MBNL1: variants seen among roughly 807,000 people sequenced by gnomAD.
MBNL1 encodes muscleblind-like protein 1.
A neutral mutation model predicts 42.2 loss-of-function variants in MBNL1; 8 were observed. The ratio of observed to expected loss-of-function variants is 0.19; its 90% CI spans 0.11 to 0.34. The LOEUF is 0.34. Ranked by LOEUF, MBNL1 falls within the 10% of genes least tolerant of loss-of-function variation. The pLI is 1.00. For synonymous variants in MBNL1, 169 were observed against 173.9 expected (o/e 0.97, Z 0.22); for missense variants, 309 against 495.3 (o/e 0.62, Z 3.57).
chr3:152,319,472 A>G (rs1328823240), intron 2 of MBNL1, among the ~76,000 whole-genome samples: 3 of 152,278 alleles, frequency 2.0e-5, no homozygotes, highest in African/African-American at 7.2e-5. Context: ...AGCAAAAACT[A>G]GAATATATTG....
chr3:152,291,173 C>T (rs1268566145), intron 1 of MBNL1, among the ~76,000 whole-genome samples: 2 of 152,150 alleles, frequency 1.3e-5, no homozygotes, highest in African/African-American at 4.8e-5. Flanking sequence ...ACAGTTTTAT[C>T]TCATTATACC....
intron 1 of MBNL1, among the ~76,000 whole-genome samples, chr3:152,277,753 AG>A (rs940702298): frequency 6.6e-6 from 1 of 152,158 alleles, no homozygotes; most frequent in African/African-American, 2.4e-5. Context: ...GAACATTGAT[AG>A]ATTATGTTTT....
At chr3:152,399,183 G>A (rs2098114360) in intron 2 of MBNL1, among the ~76,000 whole-genome samples, 2 of 152,112 alleles carry the variant, frequency 1.3e-5, no homozygotes, top group African/African-American at 4.8e-5. Flanking sequence ...CATACAGTAG[G>A]TGAATAAATA....
intron 2 of MBNL1, among the ~76,000 whole-genome samples, chr3:152,411,808 T>C (rs1579867247): frequency 6.6e-6 from 1 of 152,344 alleles, no homozygotes; most frequent in East Asian, 1.9e-4. Flanking sequence ...TGTTTCCTTT[T>C]TTTCTTTTAT....
chr3:152,387,241 AT>A (rs35150728), intron 2 of MBNL1, among the ~76,000 whole-genome samples: 58,516 of 136,146 alleles, frequency 0.43, 11,684 homozygotes, highest in East Asian at 0.57. Context: ...CAGTCTGTGT[AT>A]TTTTTTTTTT....
chr3:152,342,260 TC>T (rs938921414), intron 2 of MBNL1, among the ~76,000 whole-genome samples: 1 of 152,126 alleles, frequency 6.6e-6, no homozygotes, highest in Admixed American at 6.6e-5. Context: ...TGTCTGCACC[TC>T]CTTCCAACTC....
At chr3:152,346,895 A>C (rs1346194801) in intron 2 of MBNL1, among the ~76,000 whole-genome samples, 1 of 151,608 alleles carries the variant, frequency 6.6e-6, no homozygotes, top group East Asian at 1.9e-4. Flanking sequence ...AAAAAAAAAA[A>C]AAACCAGTCA....
At position 152,344,014 on chromosome 3, in the gene MBNL1, C is replaced by G. The variant is rs375927028; in HGVS notation, c.174+43647C>G. 4.0e-5 allele frequency among the ~76,000 whole-genome samples: 6 copies of G among 151,734 alleles called. No homozygotes were observed. In the South Asian group the frequency reaches 1.0e-3, roughly 26 times the overall value. On this transcript the variant is annotated intron_variant, in intron 2 of 9. Coordinates refer to ENST00000324210, the MANE Select transcript of MBNL1 (RefSeq NM_021038.5). ...AATTTGTATGTATGAACGTTAAGAA[C>G]TTACATGGATGATGGGGGAAGTAAG...
At chr3:152,376,235 TA>T (rs1424689468) in intron 2 of MBNL1, among the ~76,000 whole-genome samples, 1 of 152,220 alleles carries the variant, frequency 6.6e-6, no homozygotes, top group Non-Finnish European at 1.5e-5. Flanking sequence ...TAGAAATATT[TA>T]AAATGTAAGA....
At chr3:152,344,541 C>G (rs1375440766) in intron 2 of MBNL1, among the ~76,000 whole-genome samples, 1 of 152,124 alleles carries the variant, frequency 6.6e-6, no homozygotes, top group Non-Finnish European at 1.5e-5. Flanking sequence ...AAAACTCAAA[C>G]CAAGTGTTTC....
intron 2 of MBNL1, among the ~76,000 whole-genome samples, chr3:152,343,525 A>C (rs1159005787): frequency 2.0e-5 from 3 of 152,138 alleles, no homozygotes; most frequent in Admixed American, 6.6e-5. Context: ...CATGTTTGAT[A>C]ATTAAATAAG....
chr3:152,261,837 A>C (rs981077955), intron 2 of MBNL1, among the ~76,000 whole-genome samples: 1 of 151,898 alleles, frequency 6.6e-6, no homozygotes, highest in South Asian at 2.1e-4. Context: ...TTTTTTTCTG[A>C]CTTTCTTTCT....
At chr3:152,323,421 CTG>C (rs1359731076) in intron 2 of MBNL1, among the ~76,000 whole-genome samples, 1 of 151,976 alleles carries the variant, frequency 6.6e-6, no homozygotes, top group Non-Finnish European at 1.5e-5. Flanking sequence ...TAGTCACTAA[CTG>C]TAAATAATTT....
chr3:152,389,409 C>CT lies in MBNL1; in HGVS notation c.175-25530dup, dbSNP rs577428675. ...AGCCACAGTGCCTGGCCCCGTATCT[C>CT]TTAACGATTGGGATATGTTCTGAGG... On this transcript the variant is annotated intron_variant, in intron 2 of 9. Coordinates refer to ENST00000324210, the MANE Select transcript of MBNL1 (RefSeq NM_021038.5). Among the ~76,000 whole-genome samples the CT allele has an allele frequency of 6.1e-4, 93 of 152,230 alleles. No individual in the cohort carries two copies. The South Asian group carries it at 0.019, about 31-fold the overall frequency.
At chr3:152,342,056 C>T (rs1265860127) in intron 2 of MBNL1, among the ~76,000 whole-genome samples, 6 of 152,122 alleles carry the variant, frequency 3.9e-5, no homozygotes, top group South Asian at 2.1e-4. Flanking sequence ...AGCATTATTT[C>T]ACCTATACAA....
At chr3:152,261,505 A>C (rs2036268969) in intron 2 of MBNL1, among the ~76,000 whole-genome samples, 1 of 152,202 alleles carries the variant, frequency 6.6e-6, no homozygotes, top group Non-Finnish European at 1.5e-5. Flanking sequence ...TTGTTAAAGC[A>C]AACGCTCTTG....
At chr3:152,439,012 A>G (rs2099114027) in intron 4 of MBNL1, among the ~76,000 whole-genome samples, 1 of 152,232 alleles carries the variant, frequency 6.6e-6, no homozygotes, top group Non-Finnish European at 1.5e-5. Flanking sequence ...TCAGCAGTCT[A>G]TATGAGAAAA....
intron 2 of MBNL1, among the ~76,000 whole-genome samples, chr3:152,327,002 T>A (rs1346155550): frequency 1.3e-5 from 2 of 151,676 alleles, no homozygotes; most frequent in Non-Finnish European, 1.5e-5. Context: ...AGAGATGGGG[T>A]TTCATCATAT....
At chr3:152,376,831 C>A (rs544297981) in intron 2 of MBNL1, among the ~76,000 whole-genome samples, 1 of 152,268 alleles carries the variant, frequency 6.6e-6, no homozygotes, top group Admixed American at 6.5e-5. Flanking sequence ...CACACACATA[C>A]ATATATATCT....
Sources: gnomAD v4.1 joint callset for allele counts (sites outside exome capture counted in the v4.1 genomes callset) on GRCh38, gnomAD v4.1.1 for gene constraint, MANE v1.5 for transcripts, NCBI Gene and HGNC (gene_info 2026-07-23, HGNC 2026-07-21) for gene names.